DOK5: variants seen among roughly 807,000 people sequenced by gnomAD.
The protein encoded by DOK5 is docking protein 5.
Under a neutral mutation model 43.3 loss-of-function variants are expected in DOK5, and 27 were observed. That is an observed-to-expected ratio of 0.62 (90% CI 0.46 to 0.86). The LOEUF is 0.86. DOK5 is among the 40% of genes least tolerant of loss of function. The probability of loss-of-function intolerance (pLI) is 0.00; values close to 1 mark genes in which losing one functional copy is unlikely to be tolerated. For synonymous variants in DOK5, 146 were observed against 140.1 expected (o/e 1.04, Z -0.30); for missense variants, 373 against 392.9 (o/e 0.95, Z 0.43).
intron 6 of DOK5, among the ~76,000 whole-genome samples, chr20:54,633,007 G>T (rs1157866861): frequency 3.9e-5 from 6 of 152,102 alleles, no homozygotes; most frequent in Non-Finnish European, 7.3e-5. Context: ...GGAGGTAGAG[G>T]TTGCAGTGAG....
At chr20:54,606,855 G>A (rs1233273366) in intron 5 of DOK5, among the ~76,000 whole-genome samples, 1 of 152,118 alleles carries the variant, frequency 6.6e-6, no homozygotes, top group African/African-American at 2.4e-5. Context: ...AGCAATAGGA[G>A]CAAAAGTCCT....
At chr20:54,646,844 T>C (rs912616832) in intron 7 of DOK5, among the ~76,000 whole-genome samples, 14 of 151,184 alleles carry the variant, frequency 9.3e-5, no homozygotes, top group African/African-American at 3.4e-4. Flanking sequence ...CTGATGATTA[T>C]GGGTTGTAAT....
At chr20:54,507,806 A>T (rs1982864698) in intron 1 of DOK5, among the ~76,000 whole-genome samples, 1 of 152,228 alleles carries the variant, frequency 6.6e-6, no homozygotes, top group African/African-American at 2.4e-5. Flanking sequence ...CTGGGGCCAC[A>T]CCCTAGAGAA....
intron 2 of DOK5, among the ~76,000 whole-genome samples, chr20:54,574,002 C>T (rs1985376577): frequency 6.6e-6 from 1 of 152,172 alleles, no homozygotes; most frequent in South Asian, 2.1e-4. Context: ...ATTTTTCAGG[C>T]AGTGCCATCC....
chr20:54,634,437 CT>C (rs11470013), intron 6 of DOK5, among the ~76,000 whole-genome samples: 1,433 of 90,226 alleles, frequency 0.016, 12 homozygotes, highest in African/African-American at 0.07. Flanking sequence ...TCATATCATG[CT>C]TTTTTTTTTT....
At chr20:54,523,675 G>T (rs181010541) in intron 1 of DOK5, among the ~76,000 whole-genome samples, 1 of 151,866 alleles carries the variant, frequency 6.6e-6, no homozygotes, top group Non-Finnish European at 1.5e-5. Flanking sequence ...GCGCAATCTC[G>T]GCTCACTGCA....
chr20:54,634,437 C>CTTTTT lies in DOK5; in HGVS notation c.736-9003_736-8999dup, dbSNP rs11470013. Among the ~76,000 whole-genome samples the CTTTTT allele has an allele frequency of 9.5e-3, 860 of 90,412 alleles. 51 individuals are homozygous for CTTTTT. Among genetic ancestry groups the CTTTTT allele is most frequent in the African/African-American group, 0.018 (315 of 17,174 alleles). The allele number at this position is 90,412 out of a possible 152,430, so 59.3% of individuals were successfully genotyped here. A position where few individuals can be genotyped will look rare whatever the true frequency, so the allele number is the denominator to read the frequency against. On this transcript the variant is annotated intron_variant, in intron 6 of 7. Coordinates refer to ENST00000262593, the MANE Select transcript of DOK5 (RefSeq NM_018431.5). ...CACTCAACTAATTCATCATATCATG[C>CTTTTT]TTTTTTTTTTTTTTTTTTTTTTGAG...
At chr20:54,481,860 C>A (rs894072491) in intron 1 of DOK5, among the ~76,000 whole-genome samples, 2 of 152,194 alleles carry the variant, frequency 1.3e-5, no homozygotes, top group Admixed American at 6.5e-5. Context: ...GAGACTCTTA[C>A]TACTCACCTA....
At chr20:54,555,215 T>G in intron 2 of DOK5, 175 bp downstream of exon 2, 2 of 574,766 alleles carry the variant, frequency 3.5e-6, no homozygotes, top group Non-Finnish European at 6.2e-6. Flanking sequence ...TTGACTAATG[T>G]AAAGTCACTT....
intron 1 of DOK5, among the ~76,000 whole-genome samples, chr20:54,496,990 C>T (rs773525101): frequency 1.6e-4 from 24 of 152,004 alleles, no homozygotes; most frequent in Non-Finnish European, 2.9e-4. Context: ...CTGTGGGAGG[C>T]GGTGGACAGA....
intron 2 of DOK5, among the ~76,000 whole-genome samples, chr20:54,585,636 G>A (rs1985778091): frequency 6.6e-6 from 1 of 152,198 alleles, no homozygotes; most frequent in Non-Finnish European, 1.5e-5. Context: ...GGTTGAAAGT[G>A]TTTAGTTAGT....
chr20:54,542,140 G>T (rs867472680), intron 1 of DOK5, among the ~76,000 whole-genome samples: 8 of 117,640 alleles, frequency 6.8e-5, no homozygotes, highest in African/African-American at 3.3e-4. Context: ...ACACACACAC[G>T]CATGTAAGCA....
intron 1 of DOK5, among the ~76,000 whole-genome samples, chr20:54,548,444 C>T (rs1461013289): frequency 6.6e-6 from 1 of 151,780 alleles, no homozygotes; most frequent in Non-Finnish European, 1.5e-5. Context: ...ACCATGTTGC[C>T]CAGGCTGGTC....
chr20:54,583,385 G>A (rs1012860255), intron 2 of DOK5, among the ~76,000 whole-genome samples: 19 of 152,144 alleles, frequency 1.2e-4, no homozygotes, highest in Admixed American at 9.2e-4. Flanking sequence ...GTATTTGTCC[G>A]TTAAGTTTAA....
At chr20:54,635,264 A>G (rs1978770213) in intron 6 of DOK5, among the ~76,000 whole-genome samples, 2 of 152,204 alleles carry the variant, frequency 1.3e-5, no homozygotes, top group African/African-American at 2.4e-5. Flanking sequence ...TTTTGAAATG[A>G]CCCTGCAAAG....
At chr20:54,604,010 G>C (rs914589498) in intron 5 of DOK5, among the ~76,000 whole-genome samples, 1 of 144,372 alleles carries the variant, frequency 6.9e-6, no homozygotes, top group Non-Finnish European at 1.5e-5. Flanking sequence ...GCAGTGGCGC[G>C]ATCTCGGCTC....
chr20:54,577,092 C>T (rs1022744350), intron 2 of DOK5, among the ~76,000 whole-genome samples: 6 of 152,142 alleles, frequency 3.9e-5, no homozygotes, highest in African/African-American at 1.4e-4. Flanking sequence ...GAAAAACATA[C>T]TTGTTTTAGA....
intron 1 of DOK5, among the ~76,000 whole-genome samples, chr20:54,525,871 A>T (rs1366212311): frequency 2.6e-4 from 39 of 152,202 alleles, no homozygotes; most frequent in Admixed American, 2.6e-3. Context: ...AATGCTTCCC[A>T]TTTGCTGATT....
At chr20:54,493,936 C>T (rs1030611061) in intron 1 of DOK5, among the ~76,000 whole-genome samples, 2 of 152,100 alleles carry the variant, frequency 1.3e-5, no homozygotes, top group Non-Finnish European at 2.9e-5. Flanking sequence ...GAGACCAAGT[C>T]TCAAAATAAA....
Sources: allele counts gnomAD v4.1 joint callset (sites outside exome capture counted in the v4.1 genomes callset), GRCh38; gene constraint gnomAD v4.1.1; transcripts MANE v1.5; gene names NCBI Gene and HGNC (gene_info 2026-07-23, HGNC 2026-07-21).